The following TMEM59 variants were observed in gnomAD, a reference collection of about 807,000 sequenced individuals.
The protein encoded by TMEM59 is transmembrane protein 59.
In TMEM59, 44 loss-of-function variants were observed where a neutral mutation model predicts 42.2. The observed-to-expected ratio is 1.04, with a 90% CI of 0.82 to 1.34. The LOEUF (loss-of-function observed/expected upper bound fraction) is 1.34. Ranked by LOEUF, TMEM59 falls within the 40% of genes most tolerant of loss-of-function variation. The pLI is 0.00. For missense variants in TMEM59, 359 were observed against 382.8 expected (o/e 0.94, Z 0.52); for synonymous variants, 148 against 145.8 (o/e 1.02, Z -0.11).
intron 1 of TMEM59, among the ~76,000 whole-genome samples, chr1:54,052,021 A>T (rs1177027862): frequency 1.3e-5 from 2 of 152,214 alleles, no homozygotes; most frequent in Non-Finnish European, 2.9e-5. Flanking sequence ...GAGAGCAAGG[A>T]GGTCCAGCCA....
rs899680536 is a variant in TMEM59, at chr1:54,053,044, G to A, written c.145C>T (p.His49Tyr). The A allele has an allele frequency of 2.5e-6, 4 of 1,614,090 alleles. No homozygotes were observed. The African/African-American group carries it at 4.0e-5, about 16-fold the overall frequency. The part of the protein sequence containing the change: ...DSVLGDTASC[H>Y]RACQLTYPLH... Reference sequence around the variant, plus strand: ...GGGTAGGTCAACTGACAGGCCCGGTGGCAAGACGCCGTATCACCCAAGACC... The same window carrying A: ...GGGTAGGTCAACTGACAGGCCCGGTAGCAAGACGCCGTATCACCCAAGACC... The change falls in exon 1 of 8, where the codon CAC becomes TAC. Residue 49 changes from histidine (H) to tyrosine (Y), a missense_variant. Physicochemically the swap from His to Tyr is moderately conservative, Grantham distance 83. Coordinates refer to ENST00000234831, the MANE Select transcript of TMEM59 (RefSeq NM_004872.5).
chr1:54,035,491 C>A (rs564611667), intron 7 of TMEM59, among the ~76,000 whole-genome samples: 1 of 152,264 alleles, frequency 6.6e-6, no homozygotes, highest in African/African-American at 2.4e-5. Flanking sequence ...AAATCCTTTA[C>A]CTTAACAGTT....
At position 54,053,070 on chromosome 1, in the gene TMEM59, G is replaced by A. The variant is rs771319750; in HGVS notation, c.119C>T (p.Ser40Leu). 3 of 1,614,234 alleles carry A rather than the reference G, an allele frequency of 1.9e-6. No individual in the cohort carries two copies. Among genetic ancestry groups the A allele is most frequent in the South Asian group, 1.1e-5 (1 of 91,086 alleles). The change falls in exon 1 of 8, where the codon TCG (serine) becomes TTG (leucine). Residue 40 changes from serine to leucine, a missense_variant. By Grantham distance (145) the Ser-to-Leu change is moderately radical. Coordinates refer to ENST00000234831, the MANE Select transcript of TMEM59 (RefSeq NM_004872.5). ...SGTASAEAFD[S>L]VLGDTASCHR... ...GCAAGACGCCGTATCACCCAAGACC[G>A]AGTCAAATGCTTCAGCCGAAGCGGT... is the stretch of plus-strand genomic sequence containing the variant.
Position 54,040,764 on chromosome 1 carries a change from G to T in TMEM59, c.699C>A (p.Cys233Ter). Residue 233 changes from cysteine to a stop codon, truncating the protein, a stop_gained, in exon 6 of 8, where the codon TGC becomes TGA. Transcript: ENST00000234831. LOFTEE classifies it high-confidence loss of function. ...EDGESDGFLR[C>*]LSLNSGWILT... The stretch of plus-strand genomic sequence containing the variant: ...TAAAGAGGAATACATACAGAGAGAG[G>T]CATCTTAAAAAGCCATCACTTTCTC... 6.2e-7 allele frequency: 1 copy of T among 1,612,620 alleles called. No homozygotes were observed. The highest frequency in any genetic ancestry group is 1.1e-5 in the South Asian group (1 of 91,028).
chr1:54,035,536 G>C (rs1314574039), intron 7 of TMEM59, among the ~76,000 whole-genome samples: 4 of 152,064 alleles, frequency 2.6e-5, no homozygotes, highest in African/African-American at 9.7e-5. Context: ...TAATTACCAA[G>C]GAAGTCACAA....
Position 54,053,155 on chromosome 1 carries a change from T to A in TMEM59, c.34A>T (p.Thr12Ser). Residue 12 changes from threonine (T) to serine (S), a missense_variant, in exon 1 of 8, where the codon ACC becomes TCC. Physicochemically the swap from Thr to Ser is moderately conservative, Grantham distance 58. Transcript: ENST00000234831. ...AAPKGSLWVR[T>S]QLGLPPLLLL... is the part of the protein sequence containing the mutation. ...AGCAGCGGCGGGAGCCCCAGTTGGG[T>A]CCTCACCCAGAGGCTCCCCTTCGGC... 6.2e-7 allele frequency: 1 copy of A among 1,614,046 alleles called. No individual in the cohort carries two copies. The highest frequency in any genetic ancestry group is 8.5e-7 in the Non-Finnish European group (1 of 1,179,968).
In TMEM59 at chr1:54,029,775, A is replaced by G. The variant is rs141072291; in HGVS notation, c.*2375T>C. The G allele has an allele frequency of 3.9e-5, 6 of 152,320 alleles. No homozygotes were observed. The highest frequency in any genetic ancestry group is 1.9e-4 in the East Asian group (1 of 5,188). 9.4% of individuals were successfully genotyped at this position (152,320 alleles called of 1,614,324 possible). On this transcript the variant is annotated 3_prime_UTR_variant, in exon 8 of 8. Transcript: ENST00000234831. ...AATCCAGCTTCCCAAACAGAAGACTATATTTCCCATTATCTCAATCTTTAT... is the reference window on the plus strand; with the variant it reads ...AATCCAGCTTCCCAAACAGAAGACTGTATTTCCCATTATCTCAATCTTTAT...
intron 1 of TMEM59, 88 bp from the exon 2 acceptor site, chr1:54,047,460 A>G (rs905815454): frequency 4.8e-6 from 5 of 1,032,096 alleles, no homozygotes; most frequent in Admixed American, 2.5e-5. Flanking sequence ...AGCAGTTAGT[A>G]AAGTTTATTA....
rs373822656 is a variant in TMEM59, at chr1:54,053,108, G to T, written c.81C>A (p.Ala27=). The change falls in exon 1 of 8, where the codon GCC becomes GCA. Residue 27 remains alanine, a synonymous_variant. Coordinates refer to ENST00000234831, the MANE Select transcript of TMEM59 (RefSeq NM_004872.5). ...CAGCCGAAGCGGTCCCCGAACCTCC[G>T]GCCAAGGCCATGGTCAGCAGCAGCA... ...PPLLLLTMAL[A]GGSGTASAEA... 11 of 1,614,250 alleles carry T rather than the reference G, an allele frequency of 6.8e-6. No homozygotes were observed. The highest frequency in any genetic ancestry group is 1.6e-4 in the Middle Eastern group (1 of 6,062).
At position 54,029,494 on chromosome 1, in the gene TMEM59, A is replaced by G. The variant is rs1656699942; in HGVS notation, c.*2656T>C. Reference sequence around the variant, plus strand: ...CAAGATGCTTTCTGTGTGGTAGGAAATAAGATTATGACTGTTTTATGGAAA... The same window carrying G: ...CAAGATGCTTTCTGTGTGGTAGGAAGTAAGATTATGACTGTTTTATGGAAA... On this transcript the variant is annotated 3_prime_UTR_variant, in exon 8 of 8. Coordinates refer to ENST00000234831, the MANE Select transcript of TMEM59 (RefSeq NM_004872.5). 1 of 152,192 alleles carries G rather than the reference A, an allele frequency of 6.6e-6. No homozygotes were observed. Among genetic ancestry groups the G allele is most frequent in the Admixed American group, 6.5e-5 (1 of 15,272 alleles). 9.4% of individuals were successfully genotyped at this position (152,192 alleles called of 1,614,324 possible). A position where few individuals can be genotyped will look rare whatever the true frequency, so the allele number is the denominator to read the frequency against.
intron 6 of TMEM59, among the ~76,000 whole-genome samples, chr1:54,038,713 A>G (rs746094805): frequency 7.2e-5 from 11 of 152,222 alleles, no homozygotes; most frequent in Non-Finnish European, 1.6e-4. Flanking sequence ...TTAGGTTTGA[A>G]TGCTAACATA....
At chr1:54,042,817 C>G (rs1657184475) in intron 4 of TMEM59, among the ~76,000 whole-genome samples, 1 of 152,130 alleles carries the variant, frequency 6.6e-6, no homozygotes, top group Non-Finnish European at 1.5e-5. Flanking sequence ...AGGAATAATA[C>G]AACCTCATAA....
In TMEM59 at chr1:54,043,517, G is replaced by T. The variant is rs747545267; in HGVS notation, c.399C>A (p.Ser133=). The T allele has an allele frequency of 4.0e-6, 6 of 1,482,782 alleles. No homozygotes were observed. The highest frequency in any genetic ancestry group is 5.4e-6 in the Non-Finnish European group (6 of 1,118,928). 91.9% of individuals were successfully genotyped at this position (1,482,782 alleles called of 1,614,324 possible). A position where few individuals can be genotyped will look rare whatever the true frequency, so the allele number is the denominator to read the frequency against. The part of the protein sequence containing the change: ...FAELRQEQLM[S]LMPKMHLLFP... Reference sequence around the variant, plus strand: ...AGAGTAGGTGCATTTTTGGCATCAGGGACATAAGCTAAAAATAAAATAAAT... The same window carrying T: ...AGAGTAGGTGCATTTTTGGCATCAGTGACATAAGCTAAAAATAAAATAAAT... The change falls in exon 4 of 8, where the codon TCC becomes TCA. Residue 133 remains serine (S), a synonymous_variant. Coordinates refer to ENST00000234831, the MANE Select transcript of TMEM59 (RefSeq NM_004872.5).
chr1:54,053,137 G>A lies in TMEM59; in HGVS notation c.52C>T (p.Pro18Ser), dbSNP rs759630312. 1 of 1,614,258 alleles carries A rather than the reference G, an allele frequency of 6.2e-7. No homozygotes were observed. Among genetic ancestry groups the A allele is most frequent in the Non-Finnish European group, 8.5e-7 (1 of 1,180,038 alleles). Residue 18 changes from proline to serine, a missense_variant, in exon 1 of 8, where the codon CCG becomes TCG. Transcript: ENST00000234831. ...LWVRTQLGLPPLLLLTMALAG... is the reference protein window; with the variant it reads ...LWVRTQLGLPSLLLLTMALAG... ...AAGGCCATGGTCAGCAGCAGCAGCG[G>A]CGGGAGCCCCAGTTGGGTCCTCACC...
At chr1:54,041,978 A>T (rs1657152707) in intron 4 of TMEM59, among the ~76,000 whole-genome samples, 173 bp from the exon 5 acceptor site, 1 of 151,986 alleles carries the variant, frequency 6.6e-6, no homozygotes, top group South Asian at 2.1e-4. Flanking sequence ...CTTCCTAAAC[A>T]TCAGAGCCAG....
chr1:54,053,283 G>A (rs571261193), upstream of TMEM59: 18 of 1,467,236 alleles, frequency 1.2e-5, no homozygotes, highest in East Asian at 3.2e-4. Flanking sequence ...CCGCCCCACC[G>A]ACCGTTGCTT....
intron 3 of TMEM59, chr1:54,044,512 T>G (rs1657261858): frequency 6.9e-6 from 1 of 145,964 alleles, no homozygotes; most frequent in Non-Finnish European, 1.5e-5. Flanking sequence ...TCATCTGTTT[T>G]TTTTTTTTTT....
At position 54,027,830 on chromosome 1, in the gene TMEM59, G is replaced by A. The variant is rs1238461154; in HGVS notation, c.*4320C>T. ...TCAACAGTAACAGATTTCAGAAAAG[G>A]TCTAAAAACTGTGCTCCAGAATTTA... is the stretch of plus-strand genomic sequence containing the variant. On this transcript the variant is annotated 3_prime_UTR_variant, in exon 8 of 8. Coordinates refer to ENST00000234831, the MANE Select transcript of TMEM59 (RefSeq NM_004872.5). 5 of 151,820 alleles carry A rather than the reference G, an allele frequency of 3.3e-5. No individual in the cohort carries two copies. Among genetic ancestry groups the A allele is most frequent in the Non-Finnish European group, 4.4e-5 (3 of 67,998 alleles). The allele number at this position is 151,820 out of a possible 1,614,324, so 9.4% of individuals were successfully genotyped here. A position where few individuals can be genotyped will look rare whatever the true frequency, so the allele number is the denominator to read the frequency against.
intron 3 of TMEM59, chr1:54,044,817 C>T (rs1421342761): frequency 6.6e-6 from 1 of 152,020 alleles, no homozygotes; most frequent in Non-Finnish European, 1.5e-5. Context: ...AATATATCTA[C>T]ACAGAATATT....
Sources: gnomAD v4.1 joint callset for allele counts (sites outside exome capture counted in the v4.1 genomes callset) on GRCh38, gnomAD v4.1.1 for gene constraint, MANE v1.5 for transcripts, NCBI Gene and HGNC (gene_info 2026-07-23, HGNC 2026-07-21) for gene names.